TNKS1BP1: variants seen among roughly 807,000 people sequenced by gnomAD.
The protein encoded by TNKS1BP1 is 182 kDa tankyrase-1-binding protein.
Under a neutral mutation model 141.1 loss-of-function variants are expected in TNKS1BP1, and 48 were observed. The ratio of observed to expected loss-of-function variants is 0.34; its 90% confidence interval spans 0.27 to 0.43. The LOEUF is 0.43. TNKS1BP1 is among the 20% of genes least tolerant of loss of function. The probability of loss-of-function intolerance (pLI) is 1.00; values close to 1 mark genes in which losing one functional copy is unlikely to be tolerated. For missense variants in TNKS1BP1, 2,149 were observed against 2,226.0 expected, an observed-to-expected ratio of 0.97 and a Z score of 0.70; for synonymous variants, 875 against 898.2, an observed-to-expected ratio of 0.97 and a Z score of 0.46.
intron 9 of TNKS1BP1, 137 bp downstream of exon 9, chr11:57,301,670 G>A (rs1303329122): frequency 9.8e-6 from 12 of 1,226,550 alleles, no homozygotes; most frequent in Admixed American, 4.9e-5. Flanking sequence ...TGGAGCCCTC[G>A]ATGGAGAGGA....
At position 57,320,222 on chromosome 11, in the gene TNKS1BP1, C is replaced by A. The variant is rs761088754; in HGVS notation, c.585G>T (p.Ser195=). The change falls in exon 3 of 12, where the codon TCG becomes TCT. Residue 195 remains serine, a synonymous_variant. Coordinates refer to ENST00000358252, the MANE Select transcript of TNKS1BP1 (RefSeq NM_033396.3). ...TGCCATAGGTCCTGGGGCCATATCGCGAGCTGCCATCGTGGTTAAAGGTGA... is the reference window on the plus strand; with the variant it reads ...TGCCATAGGTCCTGGGGCCATATCGAGAGCTGCCATCGTGGTTAAAGGTGA... ...SRLTFNHDGS[S]RYGPRTYGTT... is the part of the protein sequence containing the mutation. 1.2e-6 allele frequency: 2 copies of A among 1,614,194 alleles called. No homozygotes were observed. Among genetic ancestry groups the A allele is most frequent in the South Asian group, 2.2e-5 (2 of 91,088 alleles).
At chr11:57,304,353 G>C (rs528945244) in intron 6 of TNKS1BP1, among the ~76,000 whole-genome samples, 77 of 152,348 alleles carry the variant, frequency 5.1e-4, no homozygotes, top group Middle Eastern at 3.4e-3. Flanking sequence ...TCTGGGGAGA[G>C]ACATTGGGGG....
In TNKS1BP1 at chr11:57,308,940, C is replaced by T. The variant is rs753317742; in HGVS notation, c.3771G>A (p.Gln1257=). The T allele has an allele frequency of 5.6e-6, 9 of 1,614,004 alleles. No individual in the cohort carries two copies. In the East Asian group the frequency reaches 2.0e-4, roughly 36 times the overall value. The part of the protein sequence containing the change: ...HSQARESGVG[Q]TDWSGVEAGE... Reference sequence around the variant, plus strand: ...CGGCCTCCACACCTGACCAGTCAGTCTGCCCCACGCCACTCTCTCTGGCCT... The same window carrying T: ...CGGCCTCCACACCTGACCAGTCAGTTTGCCCCACGCCACTCTCTCTGGCCT... Residue 1257 remains glutamine, a synonymous_variant, in exon 6 of 12, where the codon CAG becomes CAA. Coordinates refer to ENST00000358252, the MANE Select transcript of TNKS1BP1 (RefSeq NM_033396.3).
intron 6 of TNKS1BP1, among the ~76,000 whole-genome samples, chr11:57,305,569 G>A (rs1248798705): frequency 6.6e-6 from 1 of 152,104 alleles, no homozygotes; most frequent in East Asian, 1.9e-4. Context: ...ATGAGGGAGG[G>A]GTGAAGCTGG....
Position 57,320,565 on chromosome 11 carries a change from A to G in TNKS1BP1, c.242T>C (p.Met81Thr). ...PLAELPSARK[M>T]NMLAGPQPYG... ...GGGCTGGGGTCCTGCCAGCATGTTC[A>G]TCTTCCTGGCAGAAGGCAACTCAGC... The change falls in exon 3 of 12, where the codon ATG (methionine) becomes ACG (threonine). Residue 81 changes from methionine (M) to threonine (T), a missense_variant. Met to Thr is a moderately conservative substitution (Grantham distance 81, BLOSUM62 -1). Coordinates refer to ENST00000358252, the MANE Select transcript of TNKS1BP1 (RefSeq NM_033396.3). 3.1e-6 allele frequency: 5 copies of G among 1,614,062 alleles called. No individual in the cohort carries two copies. The African/African-American group carries it at 4.0e-5, about 13-fold the overall frequency.
chr11:57,320,020 C>CCCCCACCCTACCAACAGGGTGCCACCAAA, intron 3 of TNKS1BP1, 59 bp downstream of exon 3: 1 of 1,213,902 alleles, frequency 8.2e-7, no homozygotes. Flanking sequence ...AGCCCCCACC[C>CCCCCACCCTACCAACAGGGTGCCACCAAA]AATCCCACCC....
intron 4 of TNKS1BP1, among the ~76,000 whole-genome samples, chr11:57,315,858 C>A (rs1446410651): frequency 6.6e-6 from 1 of 150,916 alleles, no homozygotes; most frequent in Non-Finnish European, 1.5e-5. Context: ...GAGGTCAATC[C>A]CTCCTCTCTC....
Position 57,309,067 on chromosome 11 carries a change from T to C in TNKS1BP1, c.3644A>G (p.Glu1215Gly). 1 of 1,614,112 alleles carries C rather than the reference T, an allele frequency of 6.2e-7. No individual in the cohort carries two copies. The highest frequency in any genetic ancestry group is 8.5e-7 in the Non-Finnish European group (1 of 1,180,020). Reference protein sequence around the residue: ...LTGCLESGGSEEPGGIGVGEK... With the variant: ...LTGCLESGGSGEPGGIGVGEK... ...CCCAACTCCGATTCCCCCCGGCTCT[T>C]CAGACCCTCCACTTTCCAAACAGCC... is the stretch of plus-strand genomic sequence containing the variant. Residue 1215 changes from glutamate (E) to glycine (G), a missense_variant, in exon 6 of 12, where the codon GAA becomes GGA. By Grantham distance (98) the Glu-to-Gly change is moderately conservative. Transcript: ENST00000358252. This position sits in a 1 kb window ranked among gnomAD's most constrained non-coding sequence, Gnocchi z 4.3.
rs1315010672 is a variant in TNKS1BP1 at position 57,320,121 on chromosome 11, G to A, written c.686C>T (p.Pro229Leu). The change falls in exon 3 of 12, where the codon CCA becomes CTA. Residue 229 changes from proline to leucine, a missense_variant. Physicochemically the swap from Pro to Leu is moderately conservative, Grantham distance 98. Coordinates refer to ENST00000358252, the MANE Select transcript of TNKS1BP1 (RefSeq NM_033396.3). ...GWSQEGPVKS[P>L]AECREEHSKT... ...GCTGTGCTCTTCCCGGCACTCTGCT[G>A]GAGACTTTACTGGCCCCTCCTGGGA... The A allele has an allele frequency of 9.9e-6, 16 of 1,613,662 alleles. No homozygotes were observed. The African/African-American group carries it at 2.0e-4, about 20-fold the overall frequency.
chr11:57,305,518 G>C (rs918467774), intron 6 of TNKS1BP1, among the ~76,000 whole-genome samples: 5 of 152,264 alleles, frequency 3.3e-5, no homozygotes, highest in African/African-American at 9.6e-5. Flanking sequence ...CATGGCGCTG[G>C]AACTACAAAA....
intron 4 of TNKS1BP1, among the ~76,000 whole-genome samples, chr11:57,314,991 C>T (rs1394747088): frequency 6.6e-6 from 1 of 152,134 alleles, no homozygotes; most frequent in Non-Finnish European, 1.5e-5. Flanking sequence ...GTTATTGACC[C>T]TTACGCACCC....
chr11:57,310,435 C>G lies in TNKS1BP1; in HGVS notation c.2276G>C (p.Gly759Ala). 1.9e-6 allele frequency: 3 copies of G among 1,613,894 alleles called. No homozygotes were observed. The highest frequency in any genetic ancestry group is 2.5e-6 in the Non-Finnish European group (3 of 1,180,038). ...TGGGTCTCCTCTAGGGCTTGCACCCCCAAGGCCATAGTCCTGAGAAGCACC... is the reference window on the plus strand; with the variant it reads ...TGGGTCTCCTCTAGGGCTTGCACCCGCAAGGCCATAGTCCTGAGAAGCACC... ...CQGASQDYGL[G>A]GASPRGDPGL... The change falls in exon 6 of 12, where the codon GGG (glycine) becomes GCG (alanine). Residue 759 changes from glycine (G) to alanine (A), a missense_variant. By Grantham distance (60) the Gly-to-Ala change is moderately conservative. Coordinates refer to ENST00000358252, the MANE Select transcript of TNKS1BP1 (RefSeq NM_033396.3).
In TNKS1BP1 at chr11:57,309,335, T is replaced by C. The variant is rs759865538; in HGVS notation, c.3376A>G (p.Ile1126Val). ...CCACTCACTCTGTCGTTGCCAATGATGCCAAACTGATAGCTCCTCTCACTG... is the reference window on the plus strand; with the variant it reads ...CCACTCACTCTGTCGTTGCCAATGACGCCAAACTGATAGCTCCTCTCACTG... ...EASERSYQFGIIGNDRVSGAG... is the reference protein window; with the variant it reads ...EASERSYQFGVIGNDRVSGAG... The change falls in exon 6 of 12, where the codon ATC becomes GTC. Residue 1126 changes from isoleucine to valine, a missense_variant. Physicochemically the swap from Ile to Val is conservative, Grantham distance 29. Coordinates refer to ENST00000358252, the MANE Select transcript of TNKS1BP1 (RefSeq NM_033396.3). The surrounding 1 kb of genome is among the most constrained non-coding windows in gnomAD (Gnocchi z 4.3). 2.5e-6 allele frequency: 4 copies of C among 1,614,176 alleles called. 1 individual carries two copies. The South Asian group carries it at 3.3e-5, about 13-fold the overall frequency.
Position 57,324,826 on chromosome 11 carries a change from C to T in TNKS1BP1, c.-66+14G>A, listed in dbSNP as rs1410643479. 31 of 985,674 alleles carry T rather than the reference C, an allele frequency of 3.1e-5. No individual in the cohort carries two copies. Among genetic ancestry groups the T allele is most frequent in the Non-Finnish European group, 3.6e-5 (30 of 829,852 alleles). 61.1% of individuals were successfully genotyped at this position (985,674 alleles called of 1,614,324 possible). A position where few individuals can be genotyped will look rare whatever the true frequency, so the allele number is the denominator to read the frequency against. Reference sequence around the variant, plus strand: ...CCCGCCCCCTCCTTCGCCCGACCGCCCCCGCGCACTCACGCGCTCGCCCGG... The same window carrying T: ...CCCGCCCCCTCCTTCGCCCGACCGCTCCCGCGCACTCACGCGCTCGCCCGG... On this transcript the variant is annotated intron_variant, in intron 1 of 11. Coordinates refer to ENST00000358252, the MANE Select transcript of TNKS1BP1 (RefSeq NM_033396.3).
intron 4 of TNKS1BP1, among the ~76,000 whole-genome samples, chr11:57,317,549 T>C (rs909538743): frequency 2.6e-5 from 4 of 152,238 alleles, no homozygotes; most frequent in Non-Finnish European, 2.9e-5. Context: ...CAGCACATAG[T>C]AGGGACTTAA....
At chr11:57,315,565 G>A (rs1855786192) in intron 4 of TNKS1BP1, among the ~76,000 whole-genome samples, 1 of 151,956 alleles carries the variant, frequency 6.6e-6, no homozygotes, top group Admixed American at 6.6e-5. Flanking sequence ...CCTCAAGCCG[G>A]CCCTAGAGCT....
At chr11:57,314,995 C>G (rs1232970664) in intron 4 of TNKS1BP1, among the ~76,000 whole-genome samples, 2 of 152,146 alleles carry the variant, frequency 1.3e-5, no homozygotes, top group African/African-American at 2.4e-5. Context: ...TTGACCCTTA[C>G]GCACCCATCA....
rs143883793 is a variant in TNKS1BP1 at position 57,302,595 on chromosome 11, C to T, written c.4547G>A (p.Ser1516Asn). The change falls in exon 7 of 12, where the codon AGC becomes AAC. Residue 1516 changes from serine to asparagine, a missense_variant. By Grantham distance (46) the Ser-to-Asn change is conservative. Coordinates refer to ENST00000358252, the MANE Select transcript of TNKS1BP1 (RefSeq NM_033396.3). This position sits in a 1 kb window ranked among gnomAD's most constrained non-coding sequence, Gnocchi z 5.5. The stretch of plus-strand genomic sequence containing the variant: ...GGTGCCATCCACGTCTTCTGTCTGG[C>T]TGGCCTCACCATCAGGCTGCGGCCT... ...SWRPQPDGEASQTEDVDGTWG... is the reference protein window; with the variant it reads ...SWRPQPDGEANQTEDVDGTWG... 2,430 of 1,612,852 alleles carry T rather than the reference C, an allele frequency of 1.5e-3. 3 individuals carry two copies. Among genetic ancestry groups the T allele is most frequent in the Non-Finnish European group, 2.0e-3 (2,340 of 1,179,916 alleles).
intron 10 of TNKS1BP1, 138 bp downstream of exon 10, chr11:57,300,746 T>A: frequency 2.0e-6 from 3 of 1,491,314 alleles, no homozygotes; most frequent in Non-Finnish European, 1.8e-6. Flanking sequence ...GACACCATCT[T>A]CATACCGTTC....
Sources: gnomAD v4.1 joint callset for allele counts (sites outside exome capture counted in the v4.1 genomes callset) on GRCh38, gnomAD v4.1.1 for gene constraint, Gnocchi (gnomAD v3.1) non-coding constraint, MANE v1.5 for transcripts, NCBI Gene and HGNC (gene_info 2026-07-23, HGNC 2026-07-21) for gene names.